The following CSMD2 variants were observed in gnomAD, a reference collection of about 807,000 sequenced individuals.
CSMD2 encodes the protein CUB and sushi domain-containing protein 2.
CSMD2 carries 130 observed loss-of-function variants against 398.5 expected under a neutral mutation model. The observed-to-expected ratio is 0.33, with a 90% CI of 0.28 to 0.38. The LOEUF is 0.38. Ranked by LOEUF, CSMD2 falls within the 10% of genes least tolerant of loss-of-function variation. CSMD2 has a pLI of 1.00. For synonymous variants in CSMD2, 1,828 were observed against 1,908.5 expected (o/e 0.96, Z 1.10); for missense variants, 3,829 against 4,764.9 (o/e 0.80, Z 5.78).
At chr1:33,543,821 G>C (rs1002679014) in intron 57 of CSMD2, among the ~76,000 whole-genome samples, 1 of 152,146 alleles carries the variant, frequency 6.6e-6, no homozygotes, top group African/African-American at 2.4e-5. Flanking sequence ...TTGATTTTTT[G>C]TGTGTGGTTT....
intron 3 of CSMD2, among the ~76,000 whole-genome samples, chr1:33,957,166 G>T (rs1010176948): frequency 6.6e-5 from 10 of 152,022 alleles, no homozygotes; most frequent in African/African-American, 2.4e-4. Flanking sequence ...ACAACTGGCT[G>T]TCTTTCCCCC....
intron 12 of CSMD2, among the ~76,000 whole-genome samples, chr1:33,785,147 C>A (rs959534332): frequency 6.6e-6 from 1 of 152,144 alleles, no homozygotes; most frequent in Non-Finnish European, 1.5e-5. Flanking sequence ...TGCTTTATAC[C>A]ACATCCAAGC....
At chr1:33,729,787 T>C (rs1003154465) in intron 15 of CSMD2, among the ~76,000 whole-genome samples, 3 of 152,152 alleles carry the variant, frequency 2.0e-5, no homozygotes, top group Non-Finnish European at 2.9e-5. Context: ...ATCCATCAGA[T>C]AGGCAAAATC....
intron 44 of CSMD2, among the ~76,000 whole-genome samples, chr1:33,594,357 C>T (rs1029297984): frequency 1.3e-5 from 2 of 152,124 alleles, no homozygotes; most frequent in Non-Finnish European, 2.9e-5. Context: ...TAAACATCAC[C>T]TCCTTCATTT....
intron 3 of CSMD2, among the ~76,000 whole-genome samples, chr1:33,966,644 C>A (rs960866520): frequency 1.1e-4 from 17 of 152,066 alleles, no homozygotes; most frequent in Admixed American, 9.8e-4. Flanking sequence ...TGGTTTTTAG[C>A]AAGAAAATAG....
chr1:33,704,656 C>T (rs914509970), intron 22 of CSMD2, among the ~76,000 whole-genome samples: 9 of 152,296 alleles, frequency 5.9e-5, no homozygotes, highest in East Asian at 5.8e-4. Context: ...TTTTGACCTA[C>T]AAAAATAGCA....
At chr1:33,700,429 G>T (rs372890643) in intron 23 of CSMD2, 88 bp downstream of exon 23, 1 of 1,417,870 alleles carries the variant, frequency 7.1e-7, no homozygotes, top group Non-Finnish European at 9.8e-7. Flanking sequence ...CACATTCTTT[G>T]TATCTCGTGA....
chr1:33,597,802 T>C (rs2148792657), intron 44 of CSMD2, among the ~76,000 whole-genome samples: 1 of 152,334 alleles, frequency 6.6e-6, no homozygotes, highest in South Asian at 2.1e-4. Context: ...TAAGCAACAA[T>C]GTTCTTATTG....
rs138955884 is a variant in CSMD2 at position 33,519,283 on chromosome 1, A to G, written c.*53+182T>C. Reference sequence around the variant, plus strand: ...ACCTCACAGGGCGTGCAGGGATTCAATATATTAGATCCACAAAGGGCCTGG... The same window carrying G: ...ACCTCACAGGGCGTGCAGGGATTCAGTATATTAGATCCACAAAGGGCCTGG... On this transcript the variant is annotated intron_variant, in intron 70 of 70. Coordinates refer to ENST00000373381, the MANE Select transcript of CSMD2 (RefSeq NM_001281956.2). This position sits in a 1 kb window ranked among gnomAD's most constrained non-coding sequence, Gnocchi z 5.6. Among the ~76,000 whole-genome samples the G allele has an allele frequency of 1.3e-3, 198 of 152,294 alleles. No individual in the cohort carries two copies. The highest frequency in any genetic ancestry group is 4.6e-3 in the African/African-American group (190 of 41,556).
rs138238958 is a variant in CSMD2 at position 33,654,720 on chromosome 1, G to A, written c.4448-2259C>T. ...GAGTCTGATGTGGCCAGTGAGAGTG[G>A]AAAGCCAGTGTCATATCAGAAGTCC... On this transcript the variant is annotated intron_variant, in intron 27 of 70. Coordinates refer to ENST00000373381, the MANE Select transcript of CSMD2 (RefSeq NM_001281956.2). Among the ~76,000 whole-genome samples the A allele has an allele frequency of 6.9e-4, 105 of 152,334 alleles. 1 individual carries two copies. Among genetic ancestry groups the A allele is most frequent in the African/African-American group, 2.3e-3 (96 of 41,588 alleles).
chr1:33,545,743 G>A (rs180789329), intron 57 of CSMD2, among the ~76,000 whole-genome samples: 3 of 152,266 alleles, frequency 2.0e-5, no homozygotes, highest in African/African-American at 7.2e-5. Flanking sequence ...ACATTCCACA[G>A]CACTTGGCAC....
At chr1:33,922,048 G>C (rs1257520750) in intron 4 of CSMD2, among the ~76,000 whole-genome samples, 1 of 152,290 alleles carries the variant, frequency 6.6e-6, no homozygotes, top group Non-Finnish European at 1.5e-5. Flanking sequence ...GGAGAGAGCA[G>C]AGACAGGGAC....
chr1:34,123,479 C>T (rs1320336358), intron 1 of CSMD2, among the ~76,000 whole-genome samples: 2 of 151,976 alleles, frequency 1.3e-5, no homozygotes, highest in Non-Finnish European at 2.9e-5. Flanking sequence ...GTATGTGTTT[C>T]CCTGACTTCT....
chr1:33,977,492 C>G (rs948646247), intron 3 of CSMD2, among the ~76,000 whole-genome samples: 2 of 152,104 alleles, frequency 1.3e-5, no homozygotes, highest in Non-Finnish European at 2.9e-5. Context: ...GGCACTCTCT[C>G]TTAGGTCTCA....
At chr1:33,531,652 C>T (rs567243752) in intron 64 of CSMD2, among the ~76,000 whole-genome samples, 38 of 152,244 alleles carry the variant, frequency 2.5e-4, no homozygotes, top group African/African-American at 7.9e-4. Context: ...AAAGAAATTC[C>T]GACAGATGCC....
At chr1:33,780,804 T>C (rs1652654189) in intron 12 of CSMD2, among the ~76,000 whole-genome samples, 1 of 152,206 alleles carries the variant, frequency 6.6e-6, no homozygotes, top group East Asian at 1.9e-4. Flanking sequence ...TTTAGAGGTA[T>C]CATGGAAACT....
intron 3 of CSMD2, among the ~76,000 whole-genome samples, chr1:33,961,707 G>A (rs12063356): frequency 0.022 from 3,329 of 152,138 alleles, 123 homozygotes; most frequent in African/African-American, 0.076. Flanking sequence ...ATGAGTTCAC[G>A]CAGTTGATCG....
chr1:34,019,192 C>T (rs899020162), intron 3 of CSMD2, among the ~76,000 whole-genome samples: 2 of 152,188 alleles, frequency 1.3e-5, no homozygotes, highest in Non-Finnish European at 2.9e-5. Flanking sequence ...CCCAGCAATG[C>T]TAGCTTTCAT....
At chr1:33,990,074 C>T (rs1044348581) in intron 3 of CSMD2, among the ~76,000 whole-genome samples, 2 of 151,970 alleles carry the variant, frequency 1.3e-5, no homozygotes, top group East Asian at 3.9e-4. Flanking sequence ...CATTCGAGAC[C>T]AGCCTGGCCA....
Sources: gnomAD v4.1 joint callset for allele counts (sites outside exome capture counted in the v4.1 genomes callset) on GRCh38, gnomAD v4.1.1 for gene constraint, Gnocchi (gnomAD v3.1) non-coding constraint, MANE v1.5 for transcripts, NCBI Gene and HGNC (gene_info 2026-07-23, HGNC 2026-07-21) for gene names.